Variants in KDM5B observed in about 807,000 individuals in gnomAD.
The protein encoded by KDM5B is lysine-specific demethylase 5B.
In KDM5B, 144 loss-of-function variants were observed where a neutral mutation model predicts 193.4. That is an observed-to-expected ratio of 0.74 (90% CI 0.65 to 0.86). The LOEUF (loss-of-function observed/expected upper bound fraction) is 0.86, where lower values mean the gene tolerates loss of function less well. Ranked by LOEUF, KDM5B falls within the 40% of genes least tolerant of loss-of-function variation. The probability of loss-of-function intolerance (pLI) is 0.00; values close to 1 mark genes in which losing one functional copy is unlikely to be tolerated. For missense variants in KDM5B, 1,833 were observed against 1,886.9 expected, an observed-to-expected ratio of 0.97 and a Z score of 0.53; for synonymous variants, 668 against 682.6, an observed-to-expected ratio of 0.98 and a Z score of 0.33.
intron 16 of KDM5B, among the ~76,000 whole-genome samples, chr1:202,743,904 A>C (rs551386067): frequency 1.6e-4 from 25 of 152,342 alleles, no homozygotes; most frequent in South Asian, 4.1e-4. Context: ...ATGACAACCT[A>C]GGCAATACCT....
At chr1:202,789,698 A>G (rs1197949085) in intron 1 of KDM5B, among the ~76,000 whole-genome samples, 1 of 150,588 alleles carries the variant, frequency 6.6e-6, no homozygotes, top group African/African-American at 2.4e-5. Context: ...TTTTTTAATT[A>G]GCTAGGCATG....
rs1656490859 is a variant in KDM5B at position 202,766,976 on chromosome 1, G to C, written c.661C>G (p.Pro221Ala). 1 of 1,592,406 alleles carries C rather than the reference G, an allele frequency of 6.3e-7. No homozygotes were observed. The highest frequency in any genetic ancestry group is 8.5e-7 in the Non-Finnish European group (1 of 1,175,008). ...CGGGCTGGGGGGCACGTTTCCGAAG[G>C]CTGCACAGACTGCCTCTGGGGAATA... The part of the protein sequence containing the change: ...HDIPQRQSVQ[P>A]SETCPPARRA... The change falls in exon 5 of 27, where the codon CCT becomes GCT. Residue 221 changes from proline (P) to alanine (A), a missense_variant. Coordinates refer to ENST00000367265, the MANE Select transcript of KDM5B (RefSeq NM_006618.5).
At chr1:202,789,767 G>A (rs1178183584) in intron 1 of KDM5B, among the ~76,000 whole-genome samples, 1 of 151,564 alleles carries the variant, frequency 6.6e-6, no homozygotes, top group Non-Finnish European at 1.5e-5. Flanking sequence ...GAGAGAGAGA[G>A]CAAGAGAAGC....
intron 9 of KDM5B, among the ~76,000 whole-genome samples, chr1:202,757,053 T>G (rs982296963): frequency 3.3e-5 from 5 of 151,496 alleles, no homozygotes; most frequent in Admixed American, 2.0e-4. Flanking sequence ...TGGAAGGCAA[T>G]TTTTCCATGG....
chr1:202,788,298 G>C (rs1657495246), intron 1 of KDM5B, among the ~76,000 whole-genome samples: 1 of 152,128 alleles, frequency 6.6e-6, no homozygotes. Flanking sequence ...TAAGTACCAA[G>C]GAATGAGAAC....
At chr1:202,753,479 G>A (rs370112076) in intron 11 of KDM5B, among the ~76,000 whole-genome samples, 13 of 151,980 alleles carry the variant, frequency 8.6e-5, no homozygotes, top group East Asian at 7.7e-4. Context: ...TGGGTGACAA[G>A]AGCAAGACTC....
chr1:202,804,313 C>T (rs1658198065), intron 1 of KDM5B, among the ~76,000 whole-genome samples: 1 of 151,986 alleles, frequency 6.6e-6, no homozygotes, highest in African/African-American at 2.4e-5. Context: ...TACTGATAAG[C>T]CTCTTCTCTA....
intron 9 of KDM5B, among the ~76,000 whole-genome samples, chr1:202,757,099 G>GC (rs1048367611): frequency 1.3e-5 from 2 of 152,048 alleles, no homozygotes; most frequent in African/African-American, 4.8e-5. Flanking sequence ...TGGGAGGTGG[G>GC]GGGGGGATTA....
intron 6 of KDM5B, among the ~76,000 whole-genome samples, chr1:202,763,139 A>G (rs1220055293): frequency 6.6e-6 from 1 of 152,212 alleles, no homozygotes; most frequent in Non-Finnish European, 1.5e-5. Context: ...CATGACTACA[A>G]GAGACCAACA....
chr1:202,730,139 C>G, intron 25 of KDM5B, 112 bp from the exon 26 acceptor site: 1 of 981,638 alleles, frequency 1.0e-6, no homozygotes, highest in Non-Finnish European at 1.5e-6. Flanking sequence ...CCAATCTACA[C>G]GGGAAAAAAA....
chr1:202,780,387 A>C (rs1440897045), intron 1 of KDM5B, among the ~76,000 whole-genome samples: 2 of 152,100 alleles, frequency 1.3e-5, no homozygotes, highest in African/African-American at 2.4e-5. Flanking sequence ...ACAGGGTTTC[A>C]CCATGTTGGC....
chr1:202,767,094 C>CTT, intron 4 of KDM5B, 34 bp from the exon 5 acceptor site: 7 of 1,400,806 alleles, frequency 5.0e-6, no homozygotes, highest in Admixed American at 4.1e-5. Context: ...AAATTCCCTC[C>CTT]TTTTTTTTTT....
At chr1:202,767,180 C>A (rs774024192) in intron 4 of KDM5B, 120 bp from the exon 5 acceptor site, 5 of 1,552,390 alleles carry the variant, frequency 3.2e-6, no homozygotes, top group Non-Finnish European at 4.4e-6. Flanking sequence ...AGAGGCTGCA[C>A]CTCTTAAAAT....
chr1:202,778,529 T>C (rs1657057851), intron 1 of KDM5B, among the ~76,000 whole-genome samples: 1 of 152,190 alleles, frequency 6.6e-6, no homozygotes, highest in African/African-American at 2.4e-5. Flanking sequence ...GGCAAAAATT[T>C]AATGTTATGT....
At position 202,746,220 on chromosome 1, in the gene KDM5B, G is replaced by A; in HGVS notation, c.2120C>T (p.Ser707Phe). 6.2e-7 allele frequency: 1 copy of A among 1,613,768 alleles called. No individual in the cohort carries two copies. Among genetic ancestry groups the A allele is most frequent in the South Asian group, 1.1e-5 (1 of 91,070 alleles). Reference sequence around the variant, plus strand: ...GCAAACAAGAAGGCCAGGTTTACAAGAACAGGAGATGGCAGACATGAAGCA... The same window carrying A: ...GCAAACAAGAAGGCCAGGTTTACAAAAACAGGAGATGGCAGACATGAAGCA... ...TTCFMSAISC[S>F]CKPGLLVCLH... The change falls in exon 15 of 27, where the codon TCT becomes TTT. Residue 707 changes from serine to phenylalanine, a missense_variant. By Grantham distance (155) the Ser-to-Phe change is radical (BLOSUM62 -2). Around this residue, in one of 3 missense-constraint regions of KDM5B, gnomAD observed 1,379 missense variants for 1,349.6 expected, o/e 1.02. Coordinates refer to ENST00000367265, the MANE Select transcript of KDM5B (RefSeq NM_006618.5).
chr1:202,760,368 T>C lies in KDM5B; in HGVS notation c.1077+47A>G, dbSNP rs369961856. On this transcript the variant is annotated intron_variant, in intron 8 of 26. Coordinates refer to ENST00000367265, the MANE Select transcript of KDM5B (RefSeq NM_006618.5). ...AATAAAACTCAAAGGCAAAGAAAAA[T>C]GCCCTAAAAAAATTTTTCTAGTGTT... The C allele has an allele frequency of 3.1e-4, 407 of 1,314,216 alleles. 1 individual carries two copies. Among genetic ancestry groups the C allele is most frequent in the Non-Finnish European group, 3.9e-4 (368 of 955,316 alleles). The allele number at this position is 1,314,216 out of a possible 1,614,324, so 81.4% of individuals were successfully genotyped here. A position where few individuals can be genotyped will look rare whatever the true frequency, so the allele number is the denominator to read the frequency against.
Position 202,741,662 on chromosome 1 carries a change from T to C in KDM5B, c.2650A>G (p.Thr884Ala), listed in dbSNP as rs1655345469. ...QHSQKLLSEE[T>A]PSAAELQDLL... ...TCCTGCAGCTCCGCAGCACTAGGCG[T>C]TTCCTCAGAGAGTAGTTTCTGACTA... The change falls in exon 19 of 27, where the codon ACG (threonine) becomes GCG (alanine). Residue 884 changes from threonine (T) to alanine (A), a missense_variant. Around this residue, in one of 3 missense-constraint regions of KDM5B, gnomAD observed 1,379 missense variants for 1,349.6 expected, o/e 1.02. Transcript: ENST00000367265. 3.1e-6 allele frequency: 5 copies of C among 1,613,906 alleles called. No homozygotes were observed. In the African/African-American group the frequency reaches 5.3e-5, roughly 17 times the overall value.
chr1:202,730,543 T>C (rs569714763), intron 25 of KDM5B, among the ~76,000 whole-genome samples: 8 of 152,218 alleles, frequency 5.3e-5, no homozygotes, highest in South Asian at 4.1e-4. Flanking sequence ...GCAAATGAAA[T>C]TTGCCATGAA....
chr1:202,795,236 A>G (rs1449634443), intron 1 of KDM5B, among the ~76,000 whole-genome samples: 1 of 135,610 alleles, frequency 7.4e-6, no homozygotes, highest in Non-Finnish European at 1.6e-5. Flanking sequence ...ATAAAAAATA[A>G]TAATAATAAA....
Sources: gnomAD v4.1 joint callset for allele counts (sites outside exome capture counted in the v4.1 genomes callset) on GRCh38, gnomAD v4.1.1 for gene constraint, gnomAD v4.1.1 regional missense constraint, MANE v1.5 for transcripts, NCBI Gene and HGNC (gene_info 2026-07-23, HGNC 2026-07-21) for gene names.